Variants in PGR observed in about 807,000 individuals in gnomAD.
The protein encoded by PGR is nuclear receptor subfamily 3 group C member 3.
PGR carries 25 observed loss-of-function variants against 76.1 expected under a neutral mutation model. The ratio of observed to expected loss-of-function variants is 0.33; its 90% CI spans 0.24 to 0.46. The LOEUF (loss-of-function observed/expected upper bound fraction) is 0.46. Among genes scored for constraint, PGR ranks in the 20% least tolerant of loss-of-function variants. PGR has a pLI of 1.00. For missense variants in PGR, 1,172 were observed against 1,225.3 expected (o/e 0.96, Z 0.65); for synonymous variants, 579 against 535.0 (o/e 1.08, Z -1.14).
chr11:101,044,701 T>C (rs63278862), intron 6 of PGR, among the ~76,000 whole-genome samples: 2 of 9,812 alleles, frequency 2.0e-4, no homozygotes, highest in Non-Finnish European at 3.8e-4. Flanking sequence ...GCCTAATTGC[T>C]TTTTTTTTTT....
intron 4 of PGR, among the ~76,000 whole-genome samples, chr11:101,061,400 G>T (rs1271787622): frequency 6.6e-6 from 1 of 152,024 alleles, no homozygotes; most frequent in Non-Finnish European, 1.5e-5. Context: ...TCAACAAACA[G>T]GTATCTATTT....
chr11:101,127,244 C>CAA (rs11571155), intron 1 of PGR, among the ~76,000 whole-genome samples, 190 bp downstream of exon 1: 2,847 of 152,270 alleles, frequency 0.019, 70 homozygotes, highest in African/African-American at 0.066. Context: ...TTCGTGTCCC[C>CAA]AAGAGTGAGG....
intron 4 of PGR, among the ~76,000 whole-genome samples, chr11:101,056,118 T>C (rs1269995864): frequency 1.3e-5 from 2 of 152,108 alleles, no homozygotes; most frequent in Non-Finnish European, 2.9e-5. Flanking sequence ...AACACAGAGA[T>C]TAAATTCCCA....
chr11:101,120,032 G>A (rs931233042), intron 2 of PGR, among the ~76,000 whole-genome samples: 2 of 152,138 alleles, frequency 1.3e-5, no homozygotes, highest in Non-Finnish European at 2.9e-5. Context: ...TAGTGAAGGC[G>A]ACTTAAGTGA....
intron 2 of PGR, among the ~76,000 whole-genome samples, chr11:101,093,742 A>G (rs1222720182): frequency 1.3e-5 from 2 of 152,182 alleles, no homozygotes; most frequent in African/African-American, 4.8e-5. Context: ...TACAGGCATG[A>G]GCCACCACGC....
intron 3 of PGR, among the ~76,000 whole-genome samples, chr11:101,085,779 C>T (rs762080043): frequency 2.6e-5 from 4 of 152,010 alleles, no homozygotes; most frequent in Non-Finnish European, 5.9e-5. Context: ...CAACTGATCC[C>T]ACAGAAATAT....
intron 3 of PGR, among the ~76,000 whole-genome samples, chr11:101,074,631 T>C (rs1861060070): frequency 1.3e-5 from 2 of 152,200 alleles, no homozygotes; most frequent in African/African-American, 4.8e-5. Flanking sequence ...CAGTGAAGTC[T>C]CAGGATACAA....
chr11:101,047,599 T>C (rs1859934579), intron 6 of PGR, among the ~76,000 whole-genome samples: 1 of 152,106 alleles, frequency 6.6e-6, no homozygotes, highest in Non-Finnish European at 1.5e-5. Flanking sequence ...CTGCACCCCC[T>C]AGCCATTTGA....
chr11:101,062,778 C>T (rs781280283), intron 3 of PGR, 26 bp from the exon 4 acceptor site: 17 of 1,520,398 alleles, frequency 1.1e-5, no homozygotes, highest in Non-Finnish European at 1.4e-5. Context: ...AAAAGAAATT[C>T]ATGTAAATAT....
At chr11:101,091,591 G>A (rs1475812705) in intron 3 of PGR, among the ~76,000 whole-genome samples, 169 bp downstream of exon 3, 1 of 152,152 alleles carries the variant, frequency 6.6e-6, no homozygotes, top group Admixed American at 6.5e-5. Context: ...TAAAGTTAAT[G>A]GAATGGTATT....
chr11:101,052,632 G>A (rs1860136728), intron 4 of PGR, among the ~76,000 whole-genome samples: 1 of 152,120 alleles, frequency 6.6e-6, no homozygotes, highest in Admixed American at 6.6e-5. Flanking sequence ...TATGTGGTAG[G>A]TGGATTCAAG....
chr11:101,052,874 G>A (rs1860145930), intron 4 of PGR, among the ~76,000 whole-genome samples: 1 of 152,164 alleles, frequency 6.6e-6, no homozygotes, highest in East Asian at 1.9e-4. Flanking sequence ...GGTAGATGAT[G>A]ATAACAGCAT....
At chr11:101,066,668 G>A (rs959804202) in intron 3 of PGR, among the ~76,000 whole-genome samples, 1 of 152,054 alleles carries the variant, frequency 6.6e-6, no homozygotes, top group Non-Finnish European at 1.5e-5. Flanking sequence ...TGATGCATTG[G>A]TCCAAACATG....
At chr11:101,099,389 C>T (rs544716694) in intron 2 of PGR, among the ~76,000 whole-genome samples, 10 of 152,120 alleles carry the variant, frequency 6.6e-5, no homozygotes, top group African/African-American at 1.4e-4. Flanking sequence ...ATTGGGATGG[C>T]GGTTACTTTT....
intron 3 of PGR, among the ~76,000 whole-genome samples, chr11:101,073,024 C>A (rs1313760171): frequency 6.6e-6 from 1 of 152,154 alleles, no homozygotes; most frequent in African/African-American, 2.4e-5. Flanking sequence ...AATATACCTT[C>A]TTCTCAGCAC....
At position 101,036,616 on chromosome 11, in the gene PGR, G is replaced by T; in HGVS notation, c.*2500C>A. On this transcript the variant is annotated 3_prime_UTR_variant, in exon 8 of 8. Transcript: ENST00000325455. ...TTAGAAATTAGGTATTTTCCATTTG[G>T]TGAAGCCATATTCTTTTTAAAAAGG... 5.1e-6 allele frequency: 1 copy of T among 196,224 alleles called. No homozygotes were observed. The highest frequency in any genetic ancestry group is 1.1e-5 in the Non-Finnish European group (1 of 94,592). 12.2% of individuals were successfully genotyped at this position (196,224 alleles called of 1,614,324 possible).
intron 3 of PGR, among the ~76,000 whole-genome samples, chr11:101,087,914 A>C (rs1861547884): frequency 6.6e-6 from 1 of 152,176 alleles, no homozygotes; most frequent in Non-Finnish European, 1.5e-5. Flanking sequence ...ACTATTATTA[A>C]AAACTCATGC....
chr11:101,072,053 A>G (rs1031865997), intron 3 of PGR, among the ~76,000 whole-genome samples: 2 of 130,096 alleles, frequency 1.5e-5, no homozygotes, highest in Non-Finnish European at 3.3e-5. Context: ...GAAATGAAGG[A>G]AAAAACGTTA....
intron 4 of PGR, among the ~76,000 whole-genome samples, chr11:101,059,842 CAA>C (rs781123527): frequency 0.026 from 1,653 of 62,660 alleles, 12 homozygotes; most frequent in African/African-American, 0.074. Flanking sequence ...GACCCTCTCT[CAA>C]AAAAAAAAAA....
Sources: gnomAD v4.1 joint callset for allele counts (sites outside exome capture counted in the v4.1 genomes callset) on GRCh38, gnomAD v4.1.1 for gene constraint, MANE v1.5 for transcripts, NCBI Gene and HGNC (gene_info 2026-07-23, HGNC 2026-07-21) for gene names.